The following PPARA variants were observed in gnomAD, a reference collection of about 807,000 sequenced individuals.
The protein encoded by PPARA is peroxisome proliferator-activated receptor alpha.
PPARA carries 22 observed loss-of-function variants against 42.2 expected under a neutral mutation model. That is an observed-to-expected ratio of 0.52 (90% CI 0.37 to 0.74). The LOEUF is 0.74. Among genes scored for constraint, PPARA ranks in the 30% least tolerant of loss-of-function variants. The pLI is 0.00. For synonymous variants in PPARA, 242 were observed against 239.3 expected (o/e 1.01, Z -0.10); for missense variants, 465 against 608.2 (o/e 0.76, Z 2.48).
At position 46,180,339 on chromosome 22, in the gene PPARA, A is replaced by G. The variant is rs1929770793; in HGVS notation, c.-43+3503A>G. On this transcript the variant is annotated intron_variant, in intron 3 of 8. Transcript: ENST00000407236. This position sits in a 1 kb window ranked among gnomAD's most constrained non-coding sequence, Gnocchi z 4.2. ...AGCAGTAATAATAATAGAAATAATG[A>G]TAGTTTCTTTAATAAAAATGCTGTT... Among the ~76,000 whole-genome samples, 1 of 152,116 alleles carries G rather than the reference A, an allele frequency of 6.6e-6. No homozygotes were observed. Among genetic ancestry groups the G allele is most frequent in the Non-Finnish European group, 1.5e-5 (1 of 68,036 alleles).
chr22:46,220,096 A>G (rs1277152159), intron 7 of PPARA, 82 bp downstream of exon 7: 15 of 1,459,514 alleles, frequency 1.0e-5, no homozygotes, highest in Admixed American at 1.8e-5. Context: ...CATGTGTTGA[A>G]TGTTGAGAAA....
chr22:46,205,519 C>CATATATATATATAT (rs552533545), intron 4 of PPARA, among the ~76,000 whole-genome samples: 20 of 34,426 alleles, frequency 5.8e-4, no homozygotes, highest in Non-Finnish European at 6.4e-4. Context: ...CATGCCCAGC[C>CATATATATATATAT]ATATATATAT....
At chr22:46,229,285 C>T (rs1935701330) in intron 7 of PPARA, among the ~76,000 whole-genome samples, 1 of 152,006 alleles carries the variant, frequency 6.6e-6, no homozygotes. Context: ...CACAGTGGCT[C>T]ACGCATGTAA....
chr22:46,194,675 G>A (rs534197389), intron 3 of PPARA, among the ~76,000 whole-genome samples: 1 of 149,716 alleles, frequency 6.7e-6, no homozygotes, highest in South Asian at 2.1e-4. Context: ...AGGTTCAAGC[G>A]ATTCTCCTGC....
In PPARA at chr22:46,156,860, C is replaced by G. The variant is rs1569180975; in HGVS notation, c.-127+4890C>G. On this transcript the variant is annotated intron_variant, in intron 2 of 8. Transcript: ENST00000407236. The surrounding 1 kb of genome is among the most constrained non-coding windows in gnomAD (Gnocchi z 5.2). ...CAGGTGATCCACCTGCTTCAGCCTC[C>G]CAAAGTCTTAGGATTACAGGCGTGA... Among the ~76,000 whole-genome samples, 1 of 152,170 alleles carries G rather than the reference C, an allele frequency of 6.6e-6. No individual in the cohort carries two copies. The highest frequency in any genetic ancestry group is 1.5e-5 in the Non-Finnish European group (1 of 68,034).
chr22:46,172,076 T>C (rs922771164), intron 2 of PPARA, among the ~76,000 whole-genome samples: 1 of 152,050 alleles, frequency 6.6e-6, no homozygotes, highest in African/African-American at 2.4e-5. Context: ...CCTTGGGTGA[T>C]ACCTGTCCCT....
Position 46,237,743 on chromosome 22 carries a change from T to G in PPARA, c.*2363T>G, listed in dbSNP as rs943336594. On this transcript the variant is annotated 3_prime_UTR_variant, in exon 9 of 9. Transcript: ENST00000407236. The surrounding 1 kb of genome is among the most constrained non-coding windows in gnomAD (Gnocchi z 6.7). ...GTTTCCATATATGCCACCAGCCAAGTGGCCATCCTAATTCAGAAAGAAGCT... is the reference window on the plus strand; with the variant it reads ...GTTTCCATATATGCCACCAGCCAAGGGGCCATCCTAATTCAGAAAGAAGCT... 6.6e-6 allele frequency: 1 copy of G among 152,264 alleles called. No individual in the cohort carries two copies. The highest frequency in any genetic ancestry group is 1.5e-5 in the Non-Finnish European group (1 of 68,070). The allele number at this position is 152,264 out of a possible 1,614,324, so 9.4% of individuals were successfully genotyped here.
In PPARA at chr22:46,237,980, T is replaced by C. The variant is rs1449101143; in HGVS notation, c.*2600T>C. ...TCATGGTTTTCAGAGAAGTCATTGT[T>C]CTGTTTACATTTTCATAAAACCTGT... is the stretch of plus-strand genomic sequence containing the variant. On this transcript the variant is annotated 3_prime_UTR_variant, in exon 9 of 9. Coordinates refer to ENST00000407236, the MANE Select transcript of PPARA (RefSeq NM_005036.6). The surrounding 1 kb of genome is among the most constrained non-coding windows in gnomAD (Gnocchi z 6.7). 6.6e-6 allele frequency: 1 copy of C among 152,250 alleles called. No individual in the cohort carries two copies. Among genetic ancestry groups the C allele is most frequent in the African/African-American group, 2.4e-5 (1 of 41,456 alleles). The allele number at this position is 152,250 out of a possible 1,614,324, so 9.4% of individuals were successfully genotyped here. A position where few individuals can be genotyped will look rare whatever the true frequency, so the allele number is the denominator to read the frequency against.
chr22:46,181,198 G>C (rs1200552037), intron 3 of PPARA, among the ~76,000 whole-genome samples: 1 of 152,198 alleles, frequency 6.6e-6, no homozygotes, highest in African/African-American at 2.4e-5. Flanking sequence ...GTGGCTTCCT[G>C]CCTTGACTAA....
chr22:46,151,368 C>T (rs1042327367), intron 1 of PPARA, among the ~76,000 whole-genome samples: 2 of 152,218 alleles, frequency 1.3e-5, no homozygotes. Flanking sequence ...CGCTGAGGGT[C>T]GGGCGCCCAG....
intron 2 of PPARA, among the ~76,000 whole-genome samples, chr22:46,168,198 A>C (rs1927377654): frequency 6.6e-6 from 1 of 151,220 alleles, no homozygotes; most frequent in African/African-American, 2.4e-5. Flanking sequence ...TAAAAATACA[A>C]AAAATTAGCC....
intron 2 of PPARA, among the ~76,000 whole-genome samples, chr22:46,168,813 T>C (rs1927525674): frequency 6.6e-6 from 1 of 151,974 alleles, no homozygotes; most frequent in Non-Finnish European, 1.5e-5. Flanking sequence ...GAATAAGAAC[T>C]CTCATACACT....
rs1936262752 is a variant in PPARA, at chr22:46,237,718, G to T, written c.*2338G>T. ...TTAGGAACCAAAAGCAAATAAAAGT[G>T]TTTCCATATATGCCACCAGCCAAGT... is the stretch of plus-strand genomic sequence containing the variant. On this transcript the variant is annotated 3_prime_UTR_variant, in exon 9 of 9. Coordinates refer to ENST00000407236, the MANE Select transcript of PPARA (RefSeq NM_005036.6). This position sits in a 1 kb window ranked among gnomAD's most constrained non-coding sequence, Gnocchi z 6.7. The T allele has an allele frequency of 6.6e-6, 1 of 152,238 alleles. No homozygotes were observed. Among genetic ancestry groups the T allele is most frequent in the Non-Finnish European group, 1.5e-5 (1 of 68,064 alleles). 9.4% of individuals were successfully genotyped at this position (152,238 alleles called of 1,614,324 possible). A position where few individuals can be genotyped will look rare whatever the true frequency, so the allele number is the denominator to read the frequency against.
rs1924314866 is a variant in PPARA, at chr22:46,150,898, CCCAGCTCGG to C, written c.-210+249_-210+257del. The C allele has an allele frequency of 6.6e-6, 1 of 152,090 alleles. No homozygotes were observed. Among genetic ancestry groups the C allele is most frequent in the Non-Finnish European group, 1.5e-5 (1 of 68,022 alleles). The allele number at this position is 152,090 out of a possible 1,614,324, so 9.4% of individuals were successfully genotyped here. A position where few individuals can be genotyped will look rare whatever the true frequency, so the allele number is the denominator to read the frequency against. On this transcript the variant is annotated intron_variant, in intron 1 of 8. Coordinates refer to ENST00000407236, the MANE Select transcript of PPARA (RefSeq NM_005036.6). This position sits in a 1 kb window ranked among gnomAD's most constrained non-coding sequence, Gnocchi z 7.5. ...AGGACTCTTGCGAGGGATCTCGGGG[CCCAGCTCGG>C]CCTCCCTCCTAGCGCTGGGGGCCTG...
intron 2 of PPARA, among the ~76,000 whole-genome samples, chr22:46,153,460 C>T (rs888527296): frequency 4.6e-5 from 7 of 152,092 alleles, no homozygotes; most frequent in African/African-American, 7.2e-5. Context: ...CGAGCCACCG[C>T]GCCGGGCCCT....
intron 2 of PPARA, among the ~76,000 whole-genome samples, chr22:46,158,970 A>G (rs1482323672): frequency 6.6e-6 from 1 of 151,920 alleles, no homozygotes; most frequent in African/African-American, 2.4e-5. Context: ...GCTCACTGCA[A>G]CCTCTGCCTC....
chr22:46,167,644 C>T lies in PPARA; in HGVS notation c.-126-9109C>T, dbSNP rs992260867. Among the ~76,000 whole-genome samples, 3 of 151,198 alleles carry T rather than the reference C, an allele frequency of 2.0e-5. No homozygotes were observed. The highest frequency in any genetic ancestry group is 2.1e-4 in the South Asian group (1 of 4,774). ...ACTCCAGACTGGGTGACAGAGAGAC[C>T]GTGTGTTAAAAAAAGAGTTAAAACT... On this transcript the variant is annotated intron_variant, in intron 2 of 8. Coordinates refer to ENST00000407236, the MANE Select transcript of PPARA (RefSeq NM_005036.6). This position sits in a 1 kb window ranked among gnomAD's most constrained non-coding sequence, Gnocchi z 4.1.
At position 46,183,944 on chromosome 22, in the gene PPARA, C is replaced by T. The variant is rs1015605644; in HGVS notation, c.-43+7108C>T. Among the ~76,000 whole-genome samples the T allele has an allele frequency of 5.3e-5, 8 of 152,090 alleles. No homozygotes were observed. Among genetic ancestry groups the T allele is most frequent in the South Asian group, 4.2e-4 (2 of 4,804 alleles). On this transcript the variant is annotated intron_variant, in intron 3 of 8. Coordinates refer to ENST00000407236, the MANE Select transcript of PPARA (RefSeq NM_005036.6). This position sits in a 1 kb window ranked among gnomAD's most constrained non-coding sequence, Gnocchi z 5.5. ...CGGTCCCGGTGGTTCTGTGCCCCAG[C>T]GCATGTTGTGGTAGCCTCTCTGTAC...
chr22:46,153,458 C>T (rs1048426202), intron 2 of PPARA, among the ~76,000 whole-genome samples: 3 of 152,092 alleles, frequency 2.0e-5, no homozygotes, highest in South Asian at 2.1e-4. Context: ...TGCGAGCCAC[C>T]GCGCCGGGCC....
Sources: gnomAD v4.1 joint callset for allele counts (sites outside exome capture counted in the v4.1 genomes callset) on GRCh38, gnomAD v4.1.1 for gene constraint, Gnocchi (gnomAD v3.1) non-coding constraint, MANE v1.5 for transcripts, NCBI Gene and HGNC (gene_info 2026-07-23, HGNC 2026-07-21) for gene names.